The following SLC22A6 variants were observed in gnomAD, a reference collection of about 807,000 sequenced individuals.
SLC22A6 encodes PAH transporter.
Under a neutral mutation model 56.7 loss-of-function variants are expected in SLC22A6, and 45 were observed. That is an observed-to-expected ratio of 0.79 (90% CI 0.63 to 1.02). The LOEUF (loss-of-function observed/expected upper bound fraction) is 1.02. SLC22A6 is among the 50% of genes least tolerant of loss of function. The pLI is 0.00. For missense variants in SLC22A6, 606 were observed against 713.8 expected, an observed-to-expected ratio of 0.85 and a Z score of 1.72; for synonymous variants, 291 against 295.9, an observed-to-expected ratio of 0.98 and a Z score of 0.17.
chr11:62,981,322 C>G lies in SLC22A6; in HGVS notation c.859G>C (p.Ala287Pro), dbSNP rs377725235. The change falls in exon 5 of 10, where the codon GCC becomes CCC. Residue 287 changes from alanine (A) to proline (P), a missense_variant. By Grantham distance (27) the Ala-to-Pro change is conservative (BLOSUM62 -1). Transcript: ENST00000360421. ...SSGRLDLTLR[A>P]LQRVARINGK... Reference sequence around the variant, plus strand: ...TTGATCCGGGCGACTCTCTGCAGGGCCCTCAGGGTGAGGTCCAGCCTCCCG... The same window carrying G: ...TTGATCCGGGCGACTCTCTGCAGGGGCCTCAGGGTGAGGTCCAGCCTCCCG... 1 of 1,603,592 alleles carries G rather than the reference C, an allele frequency of 6.2e-7. No individual in the cohort carries two copies. Among genetic ancestry groups the G allele is most frequent in the African/African-American group, 1.3e-5 (1 of 74,690 alleles).
chr11:62,976,900 A>G lies in SLC22A6; in HGVS notation c.1566-19T>C. 6.2e-7 allele frequency: 1 copy of G among 1,612,938 alleles called. No homozygotes were observed. Among genetic ancestry groups the G allele is most frequent in the South Asian group, 1.1e-5 (1 of 90,918 alleles). On this transcript the variant is annotated intron_variant, in intron 9 of 9. Transcript: ENST00000360421. ...CCCTTTCCTGCAGGGCGGCAGAAGAATGGCACTCTGGGTATGCAGCCTCCA... is the reference window on the plus strand; with the variant it reads ...CCCTTTCCTGCAGGGCGGCAGAAGAGTGGCACTCTGGGTATGCAGCCTCCA...
rs900770212 is a variant in SLC22A6, at chr11:62,983,846, G to A, written c.473+98C>T. On this transcript the variant is annotated intron_variant, in intron 2 of 9. Coordinates refer to ENST00000360421, the MANE Select transcript of SLC22A6 (RefSeq NM_153276.3). This position sits in a 1 kb window ranked among gnomAD's most constrained non-coding sequence, Gnocchi z 4.5. ...TGGTGCTGTAGATCCTCAAACCAGC[G>A]CCGGCTGGCAATGCCAAGCTCCCAC... 38 of 1,187,462 alleles carry A rather than the reference G, an allele frequency of 3.2e-5. No individual in the cohort carries two copies. Among genetic ancestry groups the A allele is most frequent in the South Asian group, 1.5e-4 (10 of 68,424 alleles). 73.6% of individuals were successfully genotyped at this position (1,187,462 alleles called of 1,614,324 possible). A position where few individuals can be genotyped will look rare whatever the true frequency, so the allele number is the denominator to read the frequency against.
In SLC22A6 at chr11:62,983,775, A is replaced by G. The variant is rs564805145; in HGVS notation, c.474-84T>C. On this transcript the variant is annotated intron_variant, in intron 2 of 9. Coordinates refer to ENST00000360421, the MANE Select transcript of SLC22A6 (RefSeq NM_153276.3). This position sits in a 1 kb window ranked among gnomAD's most constrained non-coding sequence, Gnocchi z 4.5. ...GCCAGGAGAGGAGGGCTCACCCTGG[A>G]TGATGCCTGGGCTGGGGCCTTTTGA... is the stretch of plus-strand genomic sequence containing the variant. The G allele has an allele frequency of 7.8e-6, 11 of 1,405,222 alleles. No homozygotes were observed. The South Asian group carries it at 1.5e-4, about 19-fold the overall frequency. The allele number at this position is 1,405,222 out of a possible 1,614,324, so 87.0% of individuals were successfully genotyped here. A position where few individuals can be genotyped will look rare whatever the true frequency, so the allele number is the denominator to read the frequency against.
rs1166996047 is a variant in SLC22A6 at position 62,981,104 on chromosome 11, C to CT, written c.922-5dup. ...TCTGCAGACTGGCCCGGAGTACCTG[C>CT]TGGGACCGGCAGAGCTCAGGGCCCG... On this transcript the variant is annotated splice_polypyrimidine_tract_variant and splice_region_variant and intron_variant, in intron 5 of 9. Coordinates refer to ENST00000360421, the MANE Select transcript of SLC22A6 (RefSeq NM_153276.3). 11 of 1,610,878 alleles carry CT rather than the reference C, an allele frequency of 6.8e-6. No individual in the cohort carries two copies. Among genetic ancestry groups the CT allele is most frequent in the Non-Finnish European group, 9.3e-6 (11 of 1,178,052 alleles).
At position 62,984,452 on chromosome 11, in the gene SLC22A6, C is replaced by A; in HGVS notation, c.239G>T (p.Arg80Leu). The change falls in exon 1 of 10, where the codon CGC (arginine) becomes CTC (leucine). Residue 80 changes from arginine (R) to leucine (L), a missense_variant. Coordinates refer to ENST00000360421, the MANE Select transcript of SLC22A6 (RefSeq NM_153276.3). Reference protein sequence around the residue: ...DRQGQPESCLRFTSPQWGLPF... With the variant: ...DRQGQPESCLLFTSPQWGLPF... ...CAGTCCCCACTGCGGGGAGGTGAAG[C>A]GGAGGCAGGACTCAGGCTGCCCCTG... 2 of 1,613,898 alleles carry A rather than the reference C, an allele frequency of 1.2e-6. No homozygotes were observed. Among genetic ancestry groups the A allele is most frequent in the African/African-American group, 1.3e-5 (1 of 75,026 alleles).
intron 4 of SLC22A6, 93 bp downstream of exon 4, chr11:62,981,749 G>A: frequency 7.8e-7 from 1 of 1,274,176 alleles, no homozygotes; most frequent in Non-Finnish European, 1.1e-6. Flanking sequence ...TACATTTGTG[G>A]GATGGGATGT....
chr11:62,983,581 G>A lies in SLC22A6; in HGVS notation c.584C>T (p.Ser195Leu), dbSNP rs1249164896. 16 of 1,581,052 alleles carry A rather than the reference G, an allele frequency of 1.0e-5. No homozygotes were observed. Among genetic ancestry groups the A allele is most frequent in the East Asian group, 4.6e-5 (2 of 43,314 alleles). ...GGAGATGCCAGCCAGAGCCATGCCC[G>A]AGAGGAGCCGGAAGGCGCAGTAGAT... ...FPIYCAFRLL[S>L]GMALAGISLN... is the part of the protein sequence containing the mutation. Residue 195 changes from serine to leucine, a missense_variant, in exon 3 of 10, where the codon TCG (serine) becomes TTG (leucine). Ser to Leu is a moderately radical substitution (Grantham distance 145, BLOSUM62 -2). Coordinates refer to ENST00000360421, the MANE Select transcript of SLC22A6 (RefSeq NM_153276.3). This position sits in a 1 kb window ranked among gnomAD's most constrained non-coding sequence, Gnocchi z 4.5.
chr11:62,976,994 C>T, intron 9 of SLC22A6, 113 bp from the exon 10 acceptor site: 3 of 1,488,334 alleles, frequency 2.0e-6, no homozygotes, highest in Non-Finnish European at 2.8e-6. Context: ...CTGCTCTCTG[C>T]CCCAAATACC....
chr11:62,981,861 C>CA lies in SLC22A6; in HGVS notation c.777dup (p.Ala260CysfsTer11), dbSNP rs749849908. ...ACGCACCAGGAGTAGATGAAGAAGG[C>CA]AAAAAAAGGCGCAGAGACCAGTAGC... On this transcript the variant is annotated frameshift_variant, in exon 4 of 10. Coordinates refer to ENST00000360421, the MANE Select transcript of SLC22A6 (RefSeq NM_153276.3). LOFTEE classifies it high-confidence loss of function. The CA allele has an allele frequency of 1.6e-5, 26 of 1,611,698 alleles. No homozygotes were observed. In the Admixed American group the frequency reaches 2.3e-4, roughly 15 times the overall value.
In SLC22A6 at chr11:62,976,901, T is replaced by C. The variant is rs749377391; in HGVS notation, c.1566-20A>G. On this transcript the variant is annotated intron_variant, in intron 9 of 9. Transcript: ENST00000360421. ...CCTTTCCTGCAGGGCGGCAGAAGAA[T>C]GGCACTCTGGGTATGCAGCCTCCAG... 65 of 1,612,658 alleles carry C rather than the reference T, an allele frequency of 4.0e-5. No individual in the cohort carries two copies. The highest frequency in any genetic ancestry group is 5.3e-5 in the Non-Finnish European group (63 of 1,179,492).
chr11:62,977,161 C>G, intron 9 of SLC22A6, 23 bp downstream of exon 9: 1 of 1,614,166 alleles, frequency 6.2e-7, no homozygotes, highest in Non-Finnish European at 8.5e-7. Flanking sequence ...TATATCCCTG[C>G]TTCTTTCTGA....
At chr11:62,977,123 C>A in intron 9 of SLC22A6, 61 bp downstream of exon 9, 1 of 1,612,678 alleles carries the variant, frequency 6.2e-7, no homozygotes, top group South Asian at 1.1e-5. Flanking sequence ...GTCTCAATAC[C>A]ACCCCACCCT....
rs1488056764 is a variant in SLC22A6, at chr11:62,984,792, C to T, written c.-102G>A. Reference sequence around the variant, plus strand: ...TCCTTCGCTGGAGGAGCAGCACTGCCGTTGCCTCCGCAGCTGGGTTGCTCC... The same window carrying T: ...TCCTTCGCTGGAGGAGCAGCACTGCTGTTGCCTCCGCAGCTGGGTTGCTCC... On this transcript the variant is annotated 5_prime_UTR_variant, in exon 1 of 10. Transcript: ENST00000360421. 89 of 1,333,120 alleles carry T rather than the reference C, an allele frequency of 6.7e-5. No individual in the cohort carries two copies. Among genetic ancestry groups the T allele is most frequent in the Admixed American group, 9.8e-5 (4 of 41,006 alleles). The allele number at this position is 1,333,120 out of a possible 1,614,324, so 82.6% of individuals were successfully genotyped here.
At position 62,982,021 on chromosome 11, in the gene SLC22A6, G is replaced by A; in HGVS notation, c.629-11C>T. ...GCATCCACTCCACATCTGGAAAGAG[G>A]GTTAAGACAGGATGCTGCAACTACC... On this transcript the variant is annotated splice_polypyrimidine_tract_variant and intron_variant, in intron 3 of 9. Transcript: ENST00000360421. 6.2e-7 allele frequency: 1 copy of A among 1,610,786 alleles called. No homozygotes were observed. The highest frequency in any genetic ancestry group is 1.1e-5 in the South Asian group (1 of 90,410).
intron 8 of SLC22A6, 51 bp from the exon 9 acceptor site, chr11:62,977,438 C>T (rs1005168971): frequency 1.3e-6 from 2 of 1,549,978 alleles, no homozygotes. Context: ...GCATGAATGC[C>T]CAGATGCTGG....
chr11:62,981,347 G>C lies in SLC22A6; in HGVS notation c.834C>G (p.Ser278=). The change falls in exon 5 of 10, where the codon TCC becomes TCG. Residue 278 remains serine (S), a synonymous_variant. Coordinates refer to ENST00000360421, the MANE Select transcript of SLC22A6 (RefSeq NM_153276.3). ...FIESARWHSS[S]GRLDLTLRAL... is the part of the protein sequence containing the mutation. ...CCCTCAGGGTGAGGTCCAGCCTCCC[G>C]GAGGAGGAGTGCCAGCGGGCCGACT... 3 of 1,596,616 alleles carry C rather than the reference G, an allele frequency of 1.9e-6. No individual in the cohort carries two copies. Among genetic ancestry groups the C allele is most frequent in the Non-Finnish European group, 2.6e-6 (3 of 1,171,382 alleles).
At position 62,979,827 on chromosome 11, in the gene SLC22A6, G is replaced by A. The variant is rs752528594; in HGVS notation, c.1159C>T (p.Leu387Phe). ...CGGCGACCCAGGGAGTTGATGACAA[G>A]GAAGCCCACAAGCTTGGCAGGCAGG... is the stretch of plus-strand genomic sequence containing the variant. Reference protein sequence around the residue: ...VDLPAKLVGFLVINSLGRRPA... With the variant: ...VDLPAKLVGFFVINSLGRRPA... The change falls in exon 7 of 10, where the codon CTT becomes TTT. Residue 387 changes from leucine (L) to phenylalanine (F), a missense_variant. Leu to Phe is a conservative substitution (Grantham distance 22, BLOSUM62 0). Coordinates refer to ENST00000360421, the MANE Select transcript of SLC22A6 (RefSeq NM_153276.3). The A allele has an allele frequency of 3.7e-6, 6 of 1,614,240 alleles. No individual in the cohort carries two copies. The highest frequency in any genetic ancestry group is 5.1e-6 in the Non-Finnish European group (6 of 1,180,038).
intron 6 of SLC22A6, 104 bp downstream of exon 6, chr11:62,980,881 G>T (rs1451051601): frequency 1.4e-5 from 13 of 909,500 alleles, no homozygotes; most frequent in Non-Finnish European, 2.2e-5. Context: ...CTCACAGCAG[G>T]TCTGCTGACC....
At position 62,983,470 on chromosome 11, in the gene SLC22A6, G is replaced by A. The variant is rs1429049067; in HGVS notation, c.628+67C>T. On this transcript the variant is annotated intron_variant, in intron 3 of 9. Transcript: ENST00000360421. The surrounding 1 kb of genome is among the most constrained non-coding windows in gnomAD (Gnocchi z 4.5). ...AGGGCTCAGGAGGGGCAGGCTGGGA[G>A]GGGAGGCTGGAAAGGGGTTGCTGGG... 7 of 1,508,542 alleles carry A rather than the reference G, an allele frequency of 4.6e-6. No homozygotes were observed. The highest frequency in any genetic ancestry group is 1.4e-5 in the African/African-American group (1 of 72,130). 93.4% of individuals were successfully genotyped at this position (1,508,542 alleles called of 1,614,324 possible).
Sources: allele counts gnomAD v4.1 joint callset, GRCh38; gene constraint gnomAD v4.1.1; non-coding constraint Gnocchi (gnomAD v3.1); transcripts MANE v1.5; gene names NCBI Gene and HGNC (gene_info 2026-07-23, HGNC 2026-07-21).